SCN1A: variants seen among roughly 807,000 people sequenced by gnomAD.
SCN1A encodes sodium channel protein type 1 subunit alpha.
Under a neutral mutation model 193.7 loss-of-function variants are expected in SCN1A, and 13 were observed. That is an observed-to-expected ratio of 0.07 (90% CI 0.04 to 0.11). SCN1A has a LOEUF of 0.11. SCN1A is among the 10% of genes least tolerant of loss of function. The probability of loss-of-function intolerance (pLI) is 1.00; values close to 1 mark genes in which losing one functional copy is unlikely to be tolerated. For synonymous variants in SCN1A, 781 were observed against 843.6 expected (o/e 0.93, Z 1.29); for missense variants, 1,432 against 2,451.1 (o/e 0.58, Z 8.78).
At chr2:166,064,692 T>C (rs1009439377) in intron 4 of SCN1A, among the ~76,000 whole-genome samples, 4 of 152,140 alleles carry the variant, frequency 2.6e-5, no homozygotes, top group African/African-American at 9.7e-5. Context: ...TACCTTAACA[T>C]TTATTTCAAT....
intron 2 of SCN1A, among the ~76,000 whole-genome samples, chr2:166,094,955 G>A (rs1177236569): frequency 3.9e-5 from 6 of 152,044 alleles, no homozygotes; most frequent in Admixed American, 3.3e-4. Flanking sequence ...TTCTGAATTT[G>A]GCAACATCTA....
upstream of SCN1A, among the ~76,000 whole-genome samples, chr2:166,131,023 C>T (rs958666288): frequency 6.6e-6 from 1 of 152,098 alleles, no homozygotes; most frequent in African/African-American, 2.4e-5. Flanking sequence ...TCTTATTTGG[C>T]TCCCAGAATG....
At position 166,102,507 on chromosome 2, in the gene SCN1A, AAAAAAAAG is replaced by A. The variant is rs1407043775; in HGVS notation, c.-142+24409_-142+24416del. ...CAGAGTAAGATTACATCTCAAAAAA[AAAAAAAAG>A]AAAAAAAAGAAAAAAAAAAAGTCAG... On this transcript the variant is annotated intron_variant, in intron 2 of 28. Transcript: ENST00000674923. Among the ~76,000 whole-genome samples the A allele has an allele frequency of 2.1e-3, 208 of 98,906 alleles. No homozygotes were observed. In the East Asian group the frequency reaches 0.034, roughly 16 times the overall value. 64.9% of individuals were successfully genotyped at this position (98,906 alleles called of 152,430 possible). A position where few individuals can be genotyped will look rare whatever the true frequency, so the allele number is the denominator to read the frequency against.
At chr2:166,085,217 T>C (rs1251342052) in intron 2 of SCN1A, among the ~76,000 whole-genome samples, 1 of 152,160 alleles carries the variant, frequency 6.6e-6, no homozygotes, top group Non-Finnish European at 1.5e-5. Flanking sequence ...TACAATACCC[T>C]CCTTTGGTAG....
chr2:166,072,626 ATT>A (rs769864984), intron 4 of SCN1A, among the ~76,000 whole-genome samples: 3 of 152,286 alleles, frequency 2.0e-5, no homozygotes, highest in South Asian at 4.1e-4. Context: ...GTGGCATCAA[ATT>A]TGTTTGCATG....
intron 2 of SCN1A, among the ~76,000 whole-genome samples, chr2:166,091,547 G>A (rs1020136012): frequency 1.3e-5 from 2 of 152,114 alleles, no homozygotes; most frequent in Admixed American, 6.6e-5. Flanking sequence ...AAATAGCATG[G>A]GTAAAGGACA....
chr2:166,120,288 A>G (rs1574591833), intron 2 of SCN1A, among the ~76,000 whole-genome samples: 3 of 151,800 alleles, frequency 2.0e-5, no homozygotes, highest in South Asian at 2.1e-4. Context: ...AAACTTTATA[A>G]AGAAGAAAAC....
intron 19 of SCN1A, among the ~76,000 whole-genome samples, chr2:166,033,109 T>G (rs1467862401): frequency 6.6e-6 from 1 of 152,166 alleles, no homozygotes; most frequent in Non-Finnish European, 1.5e-5. Flanking sequence ...ATGATAGTAC[T>G]TTGTAAGACG....
intron 21 of SCN1A, among the ~76,000 whole-genome samples, chr2:166,013,477 T>A (rs151254621): frequency 6.6e-6 from 1 of 151,520 alleles, no homozygotes; most frequent in African/African-American, 2.4e-5. Flanking sequence ...CATCCTTTGG[T>A]GTTAATGAAT....
rs181801562 is a variant in SCN1A, at chr2:166,032,928, A to G, written c.3429+3120T>C. Among the ~76,000 whole-genome samples the G allele has an allele frequency of 9.6e-4, 146 of 152,310 alleles. 2 individuals carry two copies. Among genetic ancestry groups the G allele is most frequent in the African/African-American group, 3.4e-3 (141 of 41,592 alleles). On this transcript the variant is annotated intron_variant, in intron 19 of 28. Transcript: ENST00000674923. ...TGGAATTAAAATGACAATCTCAAGT[A>G]TGCTCTAATCAGAGAAAGTATTTAT...
intron 23 of SCN1A, among the ~76,000 whole-genome samples, chr2:166,004,648 C>T (rs906720921): frequency 3.3e-5 from 5 of 151,544 alleles, no homozygotes; most frequent in African/African-American, 1.2e-4. Flanking sequence ...TTGGTATTCA[C>T]ATCACTCCAC....
chr2:166,041,152 G>T, intron 16 of SCN1A, 79 bp downstream of exon 16: 1 of 1,044,214 alleles, frequency 9.6e-7, no homozygotes, highest in Non-Finnish European at 1.5e-6. Context: ...TTGAAAGACT[G>T]CTATACACAA....
intron 11 of SCN1A, among the ~76,000 whole-genome samples, chr2:166,047,235 T>C (rs372321741): frequency 4.8e-4 from 73 of 152,156 alleles, no homozygotes; most frequent in African/African-American, 1.6e-3. Context: ...TGCCATGGAG[T>C]CCTCCATTAA....
intron 2 of SCN1A, among the ~76,000 whole-genome samples, chr2:166,113,868 AC>A (rs1689566485): frequency 6.6e-6 from 1 of 152,192 alleles, no homozygotes; most frequent in Non-Finnish European, 1.5e-5. Flanking sequence ...CCACAAATAT[AC>A]AAAAATTTTT....
intron 2 of SCN1A, among the ~76,000 whole-genome samples, chr2:166,102,444 C>G (rs1338316349): frequency 6.9e-6 from 1 of 145,302 alleles, no homozygotes; most frequent in African/African-American, 2.6e-5. Flanking sequence ...TGGAGTGAGC[C>G]GAGATCGCTC....
chr2:166,035,942 A>G, intron 19 of SCN1A, 106 bp downstream of exon 19: 3 of 1,260,640 alleles, frequency 2.4e-6, no homozygotes, highest in Non-Finnish European at 3.4e-6. Context: ...AGTAAAAAAA[A>G]AAAAAAATCT....
rs774806815 is a variant in SCN1A at position 165,992,202 on chromosome 2, G to A, written c.5073C>T (p.Asn1691=). ...MFIYAIFGMS[N]FAYVKREVGI... ...CAACTTCCCTCTTAACATAGGCAAA[G>A]TTGGACATCCCAAAGATGGCGTAGA... Residue 1691 remains asparagine, a synonymous_variant, in exon 29 of 29, where the codon AAC becomes AAT. Transcript: ENST00000674923. This position sits in a 1 kb window ranked among gnomAD's most constrained non-coding sequence, Gnocchi z 6.5. The A allele has an allele frequency of 1.9e-6, 3 of 1,613,846 alleles. No homozygotes were observed. Among genetic ancestry groups the A allele is most frequent in the Admixed American group, 1.7e-5 (1 of 59,968 alleles).
At chr2:166,129,985 A>G (rs1359415223), upstream of SCN1A, among the ~76,000 whole-genome samples, 2 of 152,124 alleles carry the variant, frequency 1.3e-5, no homozygotes, top group African/African-American at 4.8e-5. Context: ...TTCCCTCACC[A>G]TGGGGACTCA....
chr2:166,078,702 A>G (rs1012961552), intron 2 of SCN1A, among the ~76,000 whole-genome samples: 1 of 151,744 alleles, frequency 6.6e-6, no homozygotes, highest in Admixed American at 6.6e-5. Context: ...TATCATAAAG[A>G]TATTAATTTT....
Sources: gnomAD v4.1 joint callset for allele counts (sites outside exome capture counted in the v4.1 genomes callset) on GRCh38, gnomAD v4.1.1 for gene constraint, Gnocchi (gnomAD v3.1) non-coding constraint, MANE v1.5 for transcripts, NCBI Gene and HGNC (gene_info 2026-07-23, HGNC 2026-07-21) for gene names.